Variants in TAF2 observed in about 807,000 individuals in gnomAD.
TAF2 encodes the protein TATA-box binding protein associated factor 2, also known as transcription initiation factor TFIID subunit 2.
In TAF2, 61 loss-of-function variants were observed where a neutral mutation model predicts 138.5. That is an observed-to-expected ratio of 0.44 (90% CI 0.36 to 0.54). The LOEUF is 0.54. TAF2 is among the 20% of genes least tolerant of loss of function. The pLI is 0.00. For missense variants in TAF2, 1,090 were observed against 1,427.9 expected, an observed-to-expected ratio of 0.76 and a Z score of 3.81; for synonymous variants, 475 against 469.9, an observed-to-expected ratio of 1.01 and a Z score of -0.14.
intron 14 of TAF2, among the ~76,000 whole-genome samples, chr8:119,786,738 A>G (rs763305598): frequency 2.0e-5 from 3 of 152,158 alleles, no homozygotes; most frequent in Non-Finnish European, 4.4e-5. Flanking sequence ...CCTGGCTAAC[A>G]TGGTGAAACC....
chr8:119,738,093 T>C (rs190812366), intron 25 of TAF2, among the ~76,000 whole-genome samples: 81 of 151,764 alleles, frequency 5.3e-4, no homozygotes, highest in Admixed American at 1.7e-3. Context: ...ACTATATATA[T>C]ACAGTTGTAT....
At chr8:119,764,335 A>C (rs1372517630) in intron 18 of TAF2, among the ~76,000 whole-genome samples, 1 of 152,206 alleles carries the variant, frequency 6.6e-6, no homozygotes, top group Non-Finnish European at 1.5e-5. Context: ...ACTAAGTCAT[A>C]TAAAACTACT....
chr8:119,813,105 T>G (rs1477267302), intron 3 of TAF2, among the ~76,000 whole-genome samples: 2 of 152,330 alleles, frequency 1.3e-5, no homozygotes, highest in South Asian at 2.1e-4. Context: ...ACATCTGTTT[T>G]TTTTGTTTTG....
intron 3 of TAF2, among the ~76,000 whole-genome samples, chr8:119,815,140 G>A (rs557317989): frequency 1.0e-3 from 153 of 151,800 alleles, no homozygotes; most frequent in Admixed American, 5.8e-3. Flanking sequence ...AAATTAGCCA[G>A]GTGTGGTGGC....
intron 20 of TAF2, among the ~76,000 whole-genome samples, chr8:119,759,815 A>G (rs9693207): frequency 0.45 from 67,639 of 151,914 alleles, 15,522 homozygotes; most frequent in Admixed American, 0.54. Flanking sequence ...ACTTTGGCAA[A>G]GCAGAAAATC....
At chr8:119,804,055 A>G (rs755685206) in intron 4 of TAF2, 36 bp from the exon 5 acceptor site, 69 of 1,610,630 alleles carry the variant, frequency 4.3e-5, no homozygotes, top group Non-Finnish European at 5.4e-5. Flanking sequence ...ATTGATACAT[A>G]AGTTACAGTG....
intron 3 of TAF2, among the ~76,000 whole-genome samples, chr8:119,807,210 G>A (rs1437374298): frequency 6.6e-6 from 1 of 152,148 alleles, no homozygotes; most frequent in Non-Finnish European, 1.5e-5. Flanking sequence ...ATGAAGCAGA[G>A]AATTTTCAGC....
intron 14 of TAF2, 26 bp downstream of exon 14, chr8:119,788,312 A>G (rs1823171380): frequency 1.9e-6 from 3 of 1,583,424 alleles, no homozygotes; most frequent in Admixed American, 1.7e-5. Context: ...TTAACTTTCA[A>G]TTTATAGTTA....
chr8:119,731,304 T>C lies in TAF2; in HGVS notation c.*620A>G, dbSNP rs1818864496. 6.6e-6 allele frequency: 1 copy of C among 152,260 alleles called. No individual in the cohort carries two copies. Among genetic ancestry groups the C allele is most frequent in the Non-Finnish European group, 1.5e-5 (1 of 68,082 alleles). 9.4% of individuals were successfully genotyped at this position (152,260 alleles called of 1,614,324 possible). On this transcript the variant is annotated 3_prime_UTR_variant, in exon 26 of 26. Coordinates refer to ENST00000378164, the MANE Select transcript of TAF2 (RefSeq NM_003184.4). The stretch of plus-strand genomic sequence containing the variant: ...GAATGTGTTATCAAAAGATAGTTAT[T>C]CAAAATTTTTTTAAAAAAGAATTGC...
intron 3 of TAF2, among the ~76,000 whole-genome samples, chr8:119,809,783 T>C (rs1208347100): frequency 6.6e-6 from 1 of 152,190 alleles, no homozygotes; most frequent in African/African-American, 2.4e-5. Context: ...TACCATCTTA[T>C]ATGCATGCCA....
intron 18 of TAF2, among the ~76,000 whole-genome samples, chr8:119,775,911 T>C (rs1822197727): frequency 1.3e-5 from 2 of 152,222 alleles, no homozygotes; most frequent in African/African-American, 2.4e-5. Context: ...GTTAATTTAG[T>C]GTTACTAGTT....
rs766003082 is a variant in TAF2 at position 119,778,135 on chromosome 8, A to G, written c.2254-6T>C. 6.5e-7 allele frequency: 1 copy of G among 1,535,012 alleles called. No individual in the cohort carries two copies. The highest frequency in any genetic ancestry group is 2.2e-5 in the East Asian group (1 of 44,458). On this transcript the variant is annotated splice_polypyrimidine_tract_variant and splice_region_variant and intron_variant, in intron 17 of 25. Coordinates refer to ENST00000378164, the MANE Select transcript of TAF2 (RefSeq NM_003184.4). The stretch of plus-strand genomic sequence containing the variant: ...GCCATTGCAACTGGCATAGTCTACA[A>G]AAGAAAAAAAAGAACTTTTAAAAGC...
intron 22 of TAF2, among the ~76,000 whole-genome samples, chr8:119,753,857 A>G (rs1274338422): frequency 1.3e-5 from 2 of 152,202 alleles, no homozygotes; most frequent in Admixed American, 6.5e-5. Context: ...CTGGTTAAAA[A>G]GGTATTCAAT....
At chr8:119,788,587 G>T in intron 13 of TAF2, 140 bp from the exon 14 acceptor site, 1 of 567,450 alleles carries the variant, frequency 1.8e-6, no homozygotes, top group Non-Finnish European at 3.0e-6. Context: ...GGCAATTGGT[G>T]CCAAAGAGGG....
chr8:119,743,081 T>A (rs979731038), intron 24 of TAF2, among the ~76,000 whole-genome samples: 18 of 150,886 alleles, frequency 1.2e-4, no homozygotes, highest in Admixed American at 2.6e-4. Context: ...AAAAAAAATT[T>A]AAAAAAACCC....
At chr8:119,821,742 T>G (rs1276788199) in intron 2 of TAF2, among the ~76,000 whole-genome samples, 1 of 152,156 alleles carries the variant, frequency 6.6e-6, no homozygotes, top group African/African-American at 2.4e-5. Context: ...ATTAGTGTTA[T>G]TATGACAACC....
chr8:119,772,509 T>C (rs1033790375), intron 18 of TAF2, among the ~76,000 whole-genome samples: 9 of 152,310 alleles, frequency 5.9e-5, no homozygotes, highest in South Asian at 2.1e-4. Flanking sequence ...CAACGGTTAC[T>C]ACTCGGGTAA....
chr8:119,811,634 G>C (rs1016205091), intron 3 of TAF2, among the ~76,000 whole-genome samples: 1 of 151,420 alleles, frequency 6.6e-6, no homozygotes. Flanking sequence ...GTGAAACCCC[G>C]TCTCTACTAA....
At chr8:119,792,637 A>C (rs1027979311) in intron 10 of TAF2, among the ~76,000 whole-genome samples, 1 of 152,182 alleles carries the variant, frequency 6.6e-6, no homozygotes, top group Admixed American at 6.5e-5. Context: ...ATTCATGTTG[A>C]AACTTAAACC....
Sources: allele counts gnomAD v4.1 joint callset (sites outside exome capture counted in the v4.1 genomes callset), GRCh38; gene constraint gnomAD v4.1.1; transcripts MANE v1.5; gene names NCBI Gene and HGNC (gene_info 2026-07-23, HGNC 2026-07-21).